Variants in GLYATL3 observed in about 807,000 individuals in gnomAD.
The protein encoded by GLYATL3 is glycine N-acyltransferase-like protein 3.
In GLYATL3, 31 loss-of-function variants were observed where a neutral mutation model predicts 28.5. That is an observed-to-expected ratio of 1.09 (90% CI 0.82 to 1.47). The LOEUF (loss-of-function observed/expected upper bound fraction) is 1.47, where lower values mean the gene tolerates loss of function less well. Ranked by LOEUF, GLYATL3 falls within the 40% of genes most tolerant of loss-of-function variation. The probability of loss-of-function intolerance (pLI) is 0.00; values close to 1 mark genes in which losing one functional copy is unlikely to be tolerated. For missense variants in GLYATL3, 369 were observed against 351.5 expected, an observed-to-expected ratio of 1.05 and a Z score of -0.40; for synonymous variants, 141 against 140.2, an observed-to-expected ratio of 1.01 and a Z score of -0.04.
rs962527014 is a variant in GLYATL3, at chr6:49,517,401, T to C, written c.187-29T>C. On this transcript the variant is annotated intron_variant, in intron 3 of 5. Coordinates refer to ENST00000371197, the MANE Select transcript of GLYATL3 (RefSeq NM_001010904.2). ...TTGGATTATCCAGATAATACGTTTA[T>C]GTTTTTGTGATTATGTCTTCTGTCC... is the stretch of plus-strand genomic sequence containing the variant. 3.9e-5 allele frequency: 58 copies of C among 1,498,982 alleles called. No homozygotes were observed. The Admixed American group carries it at 1.4e-3, about 35-fold the overall frequency. The allele number at this position is 1,498,982 out of a possible 1,614,324, so 92.9% of individuals were successfully genotyped here. A position where few individuals can be genotyped will look rare whatever the true frequency, so the allele number is the denominator to read the frequency against.
At chr6:49,511,755 C>T (rs1769126121) in intron 1 of GLYATL3, among the ~76,000 whole-genome samples, 1 of 152,218 alleles carries the variant, frequency 6.6e-6, no homozygotes, top group African/African-American at 2.4e-5. Flanking sequence ...TAGATACTCA[C>T]ATCTGTTTGG....
chr6:49,505,855 G>A (rs138279225), intron 1 of GLYATL3, among the ~76,000 whole-genome samples: 11 of 152,266 alleles, frequency 7.2e-5, no homozygotes, highest in East Asian at 1.9e-4. Context: ...TATAAGTCCC[G>A]TAGGAGAGTG....
Position 49,526,716 on chromosome 6 carries a change from GA to G in GLYATL3, c.672del (p.Gly225ValfsTer33). The stretch of plus-strand genomic sequence containing the variant: ...GCTACACCCTGCCAGAACATCGCAG[GA>G]AAGGTTACAGCCGGCTGGTGGCCCT... ...HGYTLPEHRR[K>X]GYSRLVALTL... On this transcript the variant is annotated frameshift_variant, in exon 6 of 6. Coordinates refer to ENST00000371197, the MANE Select transcript of GLYATL3 (RefSeq NM_001010904.2). LOFTEE classifies it high-confidence loss of function. 6.4e-7 allele frequency: 1 copy of G among 1,551,776 alleles called. No individual in the cohort carries two copies. The highest frequency in any genetic ancestry group is 1.4e-5 in the African/African-American group (1 of 73,162).
At chr6:49,504,669 A>G (rs1768978739) in intron 1 of GLYATL3, among the ~76,000 whole-genome samples, 1 of 152,082 alleles carries the variant, frequency 6.6e-6, no homozygotes, top group Non-Finnish European at 1.5e-5. Flanking sequence ...TTTTTTCTAC[A>G]ATACCTTGGC....
chr6:49,509,948 CTCTTTCTTTCTTTCTT>C (rs71540239), intron 1 of GLYATL3, among the ~76,000 whole-genome samples: 6,166 of 99,900 alleles, frequency 0.062, 189 homozygotes, highest in Non-Finnish European at 0.084. Flanking sequence ...TATTTTCTTT[CTCTTTCTTTCTTTCTT>C]TCTTTCTTTC....
intron 1 of GLYATL3, among the ~76,000 whole-genome samples, chr6:49,507,799 G>T (rs1331707380): frequency 6.6e-6 from 1 of 152,106 alleles, no homozygotes. Context: ...CTGAGTCCAG[G>T]GGGGTCACCA....
chr6:49,514,226 T>A (rs1463343952), intron 2 of GLYATL3, among the ~76,000 whole-genome samples: 3 of 152,186 alleles, frequency 2.0e-5, no homozygotes, highest in African/African-American at 7.2e-5. Flanking sequence ...TATCCTGACT[T>A]CCAAAGCCAT....
At chr6:49,508,594 C>G (rs549708523) in intron 1 of GLYATL3, among the ~76,000 whole-genome samples, 4 of 152,228 alleles carry the variant, frequency 2.6e-5, no homozygotes, top group African/African-American at 9.6e-5. Context: ...CCACAACGGT[C>G]GCATTCCTTT....
chr6:49,517,998 G>A (rs1342216051), intron 4 of GLYATL3, among the ~76,000 whole-genome samples: 2 of 152,022 alleles, frequency 1.3e-5, no homozygotes, highest in African/African-American at 4.8e-5. Flanking sequence ...AGAAATAATC[G>A]ATTGATCTGC....
intron 5 of GLYATL3, 76 bp downstream of exon 5, chr6:49,521,847 T>G: frequency 8.0e-4 from 1,025 of 1,280,510 alleles, no homozygotes; most frequent in Non-Finnish European, 1.0e-3. Flanking sequence ...CTGGGGTACT[T>G]AGTATCACTA....
intron 1 of GLYATL3, among the ~76,000 whole-genome samples, chr6:49,501,993 G>A (rs140605214): frequency 1.3e-4 from 20 of 152,294 alleles, no homozygotes; most frequent in South Asian, 6.2e-4. Context: ...AGCACATCAC[G>A]TGCTATTGGT....
intron 2 of GLYATL3, among the ~76,000 whole-genome samples, chr6:49,513,417 CA>C (rs1338945099): frequency 1.3e-5 from 2 of 152,062 alleles, no homozygotes; most frequent in Non-Finnish European, 2.9e-5. Flanking sequence ...CAGTTGGTTC[CA>C]AATCCTATAC....
chr6:49,505,679 T>A lies in GLYATL3; in HGVS notation c.-29+5637T>A, dbSNP rs192572752. On this transcript the variant is annotated intron_variant, in intron 1 of 5. Transcript: ENST00000371197. ...GTAGAAAAGGCATTTTAAACTTCAT[T>A]TTTTGACAAAGGGACCACAATAATG... 2.8e-3 allele frequency among the ~76,000 whole-genome samples: 429 copies of A among 152,310 alleles called. 1 individual carries two copies. Among genetic ancestry groups the A allele is most frequent in the African/African-American group, 6.7e-3 (279 of 41,566 alleles).
chr6:49,521,622 A>G, intron 4 of GLYATL3, 23 bp from the exon 5 acceptor site: 1 of 1,521,044 alleles, frequency 6.6e-7, no homozygotes, highest in Non-Finnish European at 8.8e-7. Context: ...CCCACATATT[A>G]AATTATGTCT....
chr6:49,521,194 G>A (rs1419500014), intron 4 of GLYATL3, among the ~76,000 whole-genome samples: 2 of 152,168 alleles, frequency 1.3e-5, no homozygotes, highest in Non-Finnish European at 2.9e-5. Context: ...GTTACACCTT[G>A]AGTTCTGTAA....
chr6:49,508,811 C>G (rs939726899), intron 1 of GLYATL3, among the ~76,000 whole-genome samples: 1 of 151,950 alleles, frequency 6.6e-6, no homozygotes, highest in African/African-American at 2.4e-5. Context: ...ATCTTTTGTT[C>G]CATAGCAATA....
intron 1 of GLYATL3, among the ~76,000 whole-genome samples, chr6:49,511,256 A>G (rs1246010181): frequency 6.6e-6 from 1 of 152,254 alleles, no homozygotes; most frequent in Non-Finnish European, 1.5e-5. Context: ...AAATCTAAAA[A>G]AAATCTAATT....
rs1298752123 is a variant in GLYATL3, at chr6:49,521,638, T to C, written c.314-7T>C. ...CCACATATTAAATTATGTCTTTCTA[T>C]ACACAGGGCTGCAGAGTGAGTTATA... On this transcript the variant is annotated splice_polypyrimidine_tract_variant and splice_region_variant and intron_variant, in intron 4 of 5. Transcript: ENST00000371197. The C allele has an allele frequency of 2.6e-6, 4 of 1,545,392 alleles. No individual in the cohort carries two copies. The highest frequency in any genetic ancestry group is 2.4e-5 in the East Asian group (1 of 40,874).
intron 1 of GLYATL3, among the ~76,000 whole-genome samples, chr6:49,503,264 G>A (rs538159528): frequency 6.6e-6 from 1 of 152,304 alleles, no homozygotes; most frequent in South Asian, 2.1e-4. Context: ...TGTGAAAATA[G>A]TAGTGTAAAT....
Sources: gnomAD v4.1 joint callset for allele counts (sites outside exome capture counted in the v4.1 genomes callset) on GRCh38, gnomAD v4.1.1 for gene constraint, MANE v1.5 for transcripts, NCBI Gene and HGNC (gene_info 2026-07-23, HGNC 2026-07-21) for gene names.